Variants in VAV1 observed in about 807,000 individuals in gnomAD.
The protein encoded by VAV1 is vav guanine nucleotide exchange factor 1, also known as proto-oncogene vav.
A neutral mutation model predicts 128.1 loss-of-function variants in VAV1; 33 were observed. The observed-to-expected ratio is 0.26, with a 90% CI of 0.20 to 0.34. The LOEUF (loss-of-function observed/expected upper bound fraction) is 0.34, where lower values mean the gene tolerates loss of function less well. VAV1 is among the 10% of genes least tolerant of loss of function. VAV1 has a pLI of 1.00. For synonymous variants in VAV1, 394 were observed against 409.8 expected, an observed-to-expected ratio of 0.96 and a Z score of 0.47; for missense variants, 715 against 1,093.7, an observed-to-expected ratio of 0.65 and a Z score of 4.88.
Position 6,822,357 on chromosome 19 carries a change from G to A in VAV1, c.558+28G>A, listed in dbSNP as rs1184708623. 6.4e-7 allele frequency: 1 copy of A among 1,557,694 alleles called. No individual in the cohort carries two copies. The highest frequency in any genetic ancestry group is 8.7e-7 in the Non-Finnish European group (1 of 1,151,428). On this transcript the variant is annotated intron_variant, in intron 5 of 26. Transcript: ENST00000602142. This position sits in a 1 kb window ranked among gnomAD's most constrained non-coding sequence, Gnocchi z 5.9. ...GCGTGACGTGGAGGGTCGGGCCTGG[G>A]GAGGGCGTGGGCGGGGGGCAGCCCC...
chr19:6,773,191 A>G (rs1970540998), intron 1 of VAV1, among the ~76,000 whole-genome samples, 180 bp downstream of exon 1: 1 of 152,130 alleles, frequency 6.6e-6, no homozygotes, highest in Admixed American at 6.5e-5. Context: ...TGGCCTCCCC[A>G]AGCTTAACAG....
chr19:6,774,427 C>CTTTTTTTTTTTTTTTTTTTTTTTT (rs1002823385), intron 1 of VAV1, among the ~76,000 whole-genome samples: 1 of 91,568 alleles, frequency 1.1e-5, no homozygotes, highest in South Asian at 3.6e-4. Flanking sequence ...CGCGCCCAGC[C>CTTTTTTTTTTTTTTTTTTTTTTTT]TTTTTTTTTT....
intron 1 of VAV1, among the ~76,000 whole-genome samples, chr19:6,778,747 C>T (rs1395469770): frequency 6.6e-6 from 1 of 151,728 alleles, no homozygotes; most frequent in African/African-American, 2.4e-5. Context: ...CAAAACAAAA[C>T]AAAACCCAAT....
chr19:6,783,165 C>T lies in VAV1; in HGVS notation c.204+10154C>T, dbSNP rs373433509. On this transcript the variant is annotated intron_variant, in intron 1 of 26. Transcript: ENST00000602142. ...ACTGCACTCCAGCCTGGTGACAGAG[C>T]GAGACTCCGTCTCAAAAAAAACAAA... is the stretch of plus-strand genomic sequence containing the variant. Among the ~76,000 whole-genome samples the T allele has an allele frequency of 2.2e-3, 331 of 151,594 alleles. 4 individuals carry two copies. Among genetic ancestry groups the T allele is most frequent in the African/African-American group, 7.6e-3 (314 of 41,262 alleles).
At chr19:6,831,767 C>T (rs1288097192) in intron 14 of VAV1, among the ~76,000 whole-genome samples, 1 of 152,140 alleles carries the variant, frequency 6.6e-6, no homozygotes, top group African/African-American at 2.4e-5. Flanking sequence ...GTCTGTTTCT[C>T]AGCAGGTGCT....
At chr19:6,854,159 A>G in intron 26 of VAV1, 61 bp downstream of exon 26, 1 of 1,587,540 alleles carries the variant, frequency 6.3e-7, no homozygotes, top group Admixed American at 1.7e-5. Flanking sequence ...GGTGGACGAG[A>G]CTGGAACTGG....
chr19:6,839,279 C>T (rs1052250716), intron 21 of VAV1, among the ~76,000 whole-genome samples: 1 of 151,184 alleles, frequency 6.6e-6, no homozygotes, highest in Admixed American at 6.6e-5. Context: ...GTCTTGAACT[C>T]CTGGGCTCAA....
At chr19:6,778,936 GTATGAT>G (rs1970702313) in intron 1 of VAV1, among the ~76,000 whole-genome samples, 5 of 148,738 alleles carry the variant, frequency 3.4e-5, no homozygotes, top group African/African-American at 1.3e-4. Context: ...GAGTGCAGTG[GTATGAT>G]CACAGCTCAC....
intron 26 of VAV1, 133 bp from the exon 27 acceptor site, chr19:6,856,921 T>C (rs1972818802): frequency 1.4e-6 from 1 of 715,744 alleles, no homozygotes; most frequent in African/African-American, 1.7e-5. Flanking sequence ...CGTTGGGTGA[T>C]GTGTTTTCTG....
intron 1 of VAV1, 65 bp downstream of exon 1, chr19:6,773,076 C>A: frequency 4.4e-6 from 7 of 1,589,214 alleles, no homozygotes; most frequent in Non-Finnish European, 5.2e-6. Context: ...GGCTGACAGT[C>A]GAGGGGCTGA....
chr19:6,842,561 G>C (rs1375607899), intron 21 of VAV1, among the ~76,000 whole-genome samples: 1 of 152,160 alleles, frequency 6.6e-6, no homozygotes, highest in Non-Finnish European at 1.5e-5. Flanking sequence ...GCTCATGCTT[G>C]TAATCCCAGA....
chr19:6,835,214 T>TACACACACACAC (rs59124872), intron 19 of VAV1, among the ~76,000 whole-genome samples: 17 of 145,356 alleles, frequency 1.2e-4, no homozygotes, highest in African/African-American at 4.1e-4. Context: ...TATATATACA[T>TACACACACACAC]ACACACACAC....
chr19:6,821,943 C>G, intron 4 of VAV1, 84 bp downstream of exon 4: 1 of 1,566,960 alleles, frequency 6.4e-7, no homozygotes, highest in Non-Finnish European at 8.8e-7. Flanking sequence ...GCCTTGCCCT[C>G]CGGGAAATAA....
In VAV1 at chr19:6,777,342, C is replaced by T. The variant is rs1054461546; in HGVS notation, c.204+4331C>T. Among the ~76,000 whole-genome samples the T allele has an allele frequency of 1.3e-5, 2 of 152,056 alleles. No individual in the cohort carries two copies. Among genetic ancestry groups the T allele is most frequent in the Non-Finnish European group, 2.9e-5 (2 of 68,008 alleles). ...TTGGTGCTGGGGACAGTGGGAATAG[C>T]ACACACACACAAAAACCCCTGTTGT... is the stretch of plus-strand genomic sequence containing the variant. On this transcript the variant is annotated intron_variant, in intron 1 of 26. Coordinates refer to ENST00000602142, the MANE Select transcript of VAV1 (RefSeq NM_005428.4). The surrounding 1 kb of genome is among the most constrained non-coding windows in gnomAD (Gnocchi z 4.4).
chr19:6,850,225 G>GTT (rs760967154), intron 23 of VAV1, among the ~76,000 whole-genome samples: 16 of 49,034 alleles, frequency 3.3e-4, no homozygotes, highest in African/African-American at 6.5e-4. Context: ...TTGTTTCTTT[G>GTT]TTTTTTTTTT....
chr19:6,804,680 G>C (rs1301455002), intron 1 of VAV1, among the ~76,000 whole-genome samples: 1 of 149,834 alleles, frequency 6.7e-6, no homozygotes, highest in Admixed American at 6.7e-5. Context: ...GCCTCCCAAA[G>C]TGCTGGGATT....
chr19:6,833,723 C>G lies in VAV1; in HGVS notation c.1721C>G (p.Thr574Ser). 6.2e-7 allele frequency: 1 copy of G among 1,614,130 alleles called. No individual in the cohort carries two copies. The highest frequency in any genetic ancestry group is 8.5e-7 in the Non-Finnish European group (1 of 1,180,032). Residue 574 changes from threonine (T) to serine (S), a missense_variant, in exon 18 of 27, where the codon ACT becomes AGT. Transcript: ENST00000602142. ...TACCCTCCCGTAGATTTCCCAGGAA[C>G]TATGAAGAAGGTAAGACTTTCCCGT... is the stretch of plus-strand genomic sequence containing the variant. ...CGRHGQDFPG[T>S]MKKDKLHRRA...
At chr19:6,841,864 T>A (rs1198209283) in intron 21 of VAV1, among the ~76,000 whole-genome samples, 1 of 152,198 alleles carries the variant, frequency 6.6e-6, no homozygotes, top group Non-Finnish European at 1.5e-5. Context: ...CATTTGCTAC[T>A]TTCTGTTTTG....
intron 21 of VAV1, among the ~76,000 whole-genome samples, chr19:6,841,675 C>T (rs965344331): frequency 4.6e-5 from 7 of 151,458 alleles, no homozygotes; most frequent in Non-Finnish European, 8.8e-5. Context: ...GGGGTTTTGC[C>T]ATGTTGGTCA....
Sources: allele counts gnomAD v4.1 joint callset (sites outside exome capture counted in the v4.1 genomes callset), GRCh38; gene constraint gnomAD v4.1.1; non-coding constraint Gnocchi (gnomAD v3.1); transcripts MANE v1.5; gene names NCBI Gene and HGNC (gene_info 2026-07-23, HGNC 2026-07-21).